The following SLC24A4 variants were observed in gnomAD, a reference collection of about 807,000 sequenced individuals.
SLC24A4 encodes the protein sodium/potassium/calcium exchanger 4.
A neutral mutation model predicts 79.0 loss-of-function variants in SLC24A4; 53 were observed. That is an observed-to-expected ratio of 0.67 (90% confidence interval 0.54 to 0.84). The LOEUF is 0.84. Among genes scored for constraint, SLC24A4 ranks in the 40% least tolerant of loss-of-function variants. SLC24A4 has a pLI of 0.00. For synonymous variants in SLC24A4, 323 were observed against 323.8 expected, an observed-to-expected ratio of 1.00 and a Z score of 0.03; for missense variants, 731 against 822.0, an observed-to-expected ratio of 0.89 and a Z score of 1.35.
intron 13 of SLC24A4, chr14:92,484,212 A>C (rs1156365395): frequency 2.0e-6 from 2 of 984,998 alleles, no homozygotes; most frequent in East Asian, 2.3e-4. Flanking sequence ...AATTCTAAAC[A>C]GTGTATGGGA....
intron 2 of SLC24A4, among the ~76,000 whole-genome samples, chr14:92,431,668 G>A (rs1047755073): frequency 4.6e-5 from 7 of 152,306 alleles, no homozygotes; most frequent in Admixed American, 1.3e-4. Flanking sequence ...TGACTGATTC[G>A]TCACCGTAGA....
At chr14:92,438,524 G>T (rs1303083474) in intron 3 of SLC24A4, among the ~76,000 whole-genome samples, 1 of 152,142 alleles carries the variant, frequency 6.6e-6, no homozygotes, top group Admixed American at 6.5e-5. Flanking sequence ...GGAGGCTGAG[G>T]TGGGAGGATG....
intron 12 of SLC24A4, among the ~76,000 whole-genome samples, chr14:92,463,689 T>C (rs1302328264): frequency 6.6e-6 from 1 of 152,190 alleles, no homozygotes; most frequent in Non-Finnish European, 1.5e-5. Flanking sequence ...ATTCATTCCT[T>C]TAAGTGTACA....
chr14:92,382,193 C>T (rs1314246509), intron 2 of SLC24A4, among the ~76,000 whole-genome samples: 2 of 151,902 alleles, frequency 1.3e-5, no homozygotes, highest in African/African-American at 4.8e-5. Context: ...CATATGTATA[C>T]ATGCGCCTGG....
At chr14:92,391,106 G>A (rs1446281873) in intron 2 of SLC24A4, among the ~76,000 whole-genome samples, 1 of 152,072 alleles carries the variant, frequency 6.6e-6, no homozygotes, top group South Asian at 2.1e-4. Flanking sequence ...AGCTGGTCAC[G>A]GGCCCCACCT....
At chr14:92,442,452 A>G (rs1260585728) in intron 5 of SLC24A4, among the ~76,000 whole-genome samples, 1 of 152,248 alleles carries the variant, frequency 6.6e-6, no homozygotes, top group Non-Finnish European at 1.5e-5. Flanking sequence ...ACCGAATTGT[A>G]TATTTAAATG....
At chr14:92,391,268 GATAC>G (rs1201901501) in intron 2 of SLC24A4, among the ~76,000 whole-genome samples, 7 of 152,304 alleles carry the variant, frequency 4.6e-5, no homozygotes, top group South Asian at 4.1e-4. Flanking sequence ...GAGTGGAAGA[GATAC>G]TGGCCATTTC....
At chr14:92,372,544 T>C (rs1240604344) in intron 2 of SLC24A4, among the ~76,000 whole-genome samples, 1 of 152,144 alleles carries the variant, frequency 6.6e-6, no homozygotes, top group Admixed American at 6.5e-5. Context: ...CTGTATGTAC[T>C]GGTGTGTTAG....
intron 2 of SLC24A4, among the ~76,000 whole-genome samples, chr14:92,429,929 C>T (rs996127882): frequency 1.3e-5 from 2 of 152,226 alleles, no homozygotes; most frequent in Admixed American, 6.5e-5. Context: ...CAACAACTCT[C>T]CCAGGTCAGT....
intron 2 of SLC24A4, among the ~76,000 whole-genome samples, chr14:92,385,457 A>C (rs1343883235): frequency 6.6e-6 from 1 of 151,342 alleles, no homozygotes; most frequent in African/African-American, 2.4e-5. Context: ...AGACTGTACC[A>C]CTGCACTCCA....
At chr14:92,483,693 C>T (rs1895198417) in intron 13 of SLC24A4, 25 of 1,268,826 alleles carry the variant, frequency 2.0e-5, no homozygotes, top group Non-Finnish European at 2.6e-5. Flanking sequence ...TGTATACCAC[C>T]TAATGGGGTC....
chr14:92,430,654 T>C (rs895518762), intron 2 of SLC24A4, among the ~76,000 whole-genome samples: 1 of 152,200 alleles, frequency 6.6e-6, no homozygotes, highest in Admixed American at 6.5e-5. Context: ...TGGAAGCCAC[T>C]TCTGGGCACC....
chr14:92,444,466 A>T (rs115669309), intron 7 of SLC24A4, among the ~76,000 whole-genome samples: 2,311 of 152,314 alleles, frequency 0.015, 68 homozygotes, highest in African/African-American at 0.052. Flanking sequence ...AATTCCAAAC[A>T]GAGCAAAGTA....
intron 13 of SLC24A4, among the ~76,000 whole-genome samples, chr14:92,486,077 A>G (rs2139933187): frequency 6.6e-6 from 1 of 152,338 alleles, no homozygotes; most frequent in East Asian, 1.9e-4. Context: ...TCCAGCAAGC[A>G]GTGAAGCCCC....
intron 2 of SLC24A4, among the ~76,000 whole-genome samples, chr14:92,378,161 G>A (rs1888623428): frequency 6.6e-6 from 1 of 152,116 alleles, no homozygotes; most frequent in Non-Finnish European, 1.5e-5. Flanking sequence ...AGAATTCCAT[G>A]GCACAAATAC....
At position 92,323,445 on chromosome 14, in the gene SLC24A4, A is replaced by G. The variant is rs1430987173; in HGVS notation, c.-386A>G. ...CGCGGGGGCGCACTGAGTGCTCCCT[A>G]CGGCGCTGCTGCCAGGGCTGTGGCC... is the stretch of plus-strand genomic sequence containing the variant. On this transcript the variant is annotated 5_prime_UTR_variant, in exon 1 of 17. Transcript: ENST00000532405. The surrounding 1 kb of genome is among the most constrained non-coding windows in gnomAD (Gnocchi z 4.9). Among the ~76,000 whole-genome samples, 2 of 151,548 alleles carry G rather than the reference A, an allele frequency of 1.3e-5. No homozygotes were observed. The highest frequency in any genetic ancestry group is 4.8e-5 in the African/African-American group (2 of 41,298).
intron 2 of SLC24A4, among the ~76,000 whole-genome samples, chr14:92,375,657 A>T (rs190396925): frequency 6.6e-6 from 1 of 152,370 alleles, no homozygotes; most frequent in African/African-American, 2.4e-5. Flanking sequence ...ATGCCACAAC[A>T]TGGATGAACT....
chr14:92,414,455 A>C (rs2141801880), intron 2 of SLC24A4, among the ~76,000 whole-genome samples: 2 of 152,206 alleles, frequency 1.3e-5, no homozygotes, highest in South Asian at 4.1e-4. Context: ...CCCTAGAAAA[A>C]ACTGGCATGG....
At chr14:92,403,607 A>T (rs936128258) in intron 2 of SLC24A4, among the ~76,000 whole-genome samples, 8 of 104,036 alleles carry the variant, frequency 7.7e-5, no homozygotes, top group Non-Finnish European at 1.6e-4. Flanking sequence ...GACTCCATCT[A>T]AAAAAAAAAA....
Sources: allele counts gnomAD v4.1 joint callset (sites outside exome capture counted in the v4.1 genomes callset), GRCh38; gene constraint gnomAD v4.1.1; non-coding constraint Gnocchi (gnomAD v3.1); transcripts MANE v1.5; gene names NCBI Gene and HGNC (gene_info 2026-07-23, HGNC 2026-07-21).